The following TTC7A variants were observed in gnomAD, a reference collection of about 807,000 sequenced individuals.
TTC7A encodes the protein tetratricopeptide repeat protein 7A.
A neutral mutation model predicts 103.7 loss-of-function variants in TTC7A; 110 were observed. The observed-to-expected ratio is 1.06, with a 90% confidence interval of 0.91 to 1.24. TTC7A has a LOEUF of 1.24. TTC7A is among the 50% of genes most tolerant of loss of function. The probability of loss-of-function intolerance (pLI) is 0.00; values close to 1 mark genes in which losing one functional copy is unlikely to be tolerated. For missense variants in TTC7A, 1,340 were observed against 1,116.3 expected, an observed-to-expected ratio of 1.20 and a Z score of -2.86; for synonymous variants, 521 against 467.9, an observed-to-expected ratio of 1.11 and a Z score of -1.47.
At chr2:47,053,795 G>A (rs141671727) in intron 18 of TTC7A, among the ~76,000 whole-genome samples, 163 of 152,214 alleles carry the variant, frequency 1.1e-3, no homozygotes, top group East Asian at 2.5e-3. Context: ...CACTGGTTTC[G>A]AACTCCTCAC....
In TTC7A at chr2:47,004,088, G is replaced by T. The variant is rs369592855; in HGVS notation, c.1066-1834G>T. 2.0e-3 allele frequency among the ~76,000 whole-genome samples: 309 copies of T among 152,292 alleles called. 1 individual carries two copies. The highest frequency in any genetic ancestry group is 7.2e-3 in the African/African-American group (300 of 41,560). On this transcript the variant is annotated intron_variant, in intron 8 of 19. Coordinates refer to ENST00000319190, the MANE Select transcript of TTC7A (RefSeq NM_020458.4). ...TTCAACCCTTTGGAGCTCCTGAGTG[G>T]CTCCTGTTCCACAGGCTGACTCCAG...
chr2:46,927,450 G>A (rs573340694), intron 2 of TTC7A, among the ~76,000 whole-genome samples: 141 of 149,224 alleles, frequency 9.4e-4, no homozygotes, highest in Non-Finnish European at 1.4e-3. Flanking sequence ...TCCACCTCCC[G>A]GGTTCACACC....
In TTC7A at chr2:46,950,489, A is replaced by T; in HGVS notation, c.311A>T (p.Asn104Ile). 7.4e-6 allele frequency: 12 copies of T among 1,614,148 alleles called. No individual in the cohort carries two copies. The highest frequency in any genetic ancestry group is 9.3e-6 in the Non-Finnish European group (11 of 1,180,026). The change falls in exon 2 of 20, where the codon AAT becomes ATT. Residue 104 changes from asparagine to isoleucine, a missense_variant. By Grantham distance (149) the Asn-to-Ile change is moderately radical. Transcript: ENST00000319190. ...GAGCCGAAGATGAGCGAAGCCAAAA[A>T]TTATCTAAGCAGTATCCTTAACCAT... The part of the protein sequence containing the change: ...KNEPKMSEAK[N>I]YLSSILNHGR...
At chr2:47,046,909 C>A in intron 16 of TTC7A, 1 of 250,432 alleles carries the variant, frequency 4.0e-6, no homozygotes, top group Non-Finnish European at 7.6e-6. Context: ...TTTCCTCATT[C>A]CATTTGGAGG....
intron 5 of TTC7A, 59 bp downstream of exon 5, chr2:46,978,966 C>G: frequency 7.6e-7 from 1 of 1,308,756 alleles, no homozygotes; most frequent in Non-Finnish European, 1.1e-6. Context: ...AGGCTTTTGA[C>G]GTGGCCTTAA....
intron 2 of TTC7A, among the ~76,000 whole-genome samples, chr2:46,928,120 C>T (rs906137682): frequency 3.3e-5 from 5 of 151,632 alleles, no homozygotes; most frequent in African/African-American, 1.2e-4. Flanking sequence ...TCTAACTCCT[C>T]GGCTCAGGTG....
intron 5 of TTC7A, among the ~76,000 whole-genome samples, chr2:46,985,270 C>A (rs1216159122): frequency 1.3e-5 from 2 of 152,210 alleles, no homozygotes. Context: ...CCAACCTCAC[C>A]ACCCTGAAGA....
chr2:46,916,038 G>A, upstream of TTC7A: 1 of 985,442 alleles, frequency 1.0e-6, no homozygotes, highest in African/African-American at 1.7e-5. Flanking sequence ...GACGCCCTAG[G>A]GGCCCGGCAG....
intron 2 of TTC7A, among the ~76,000 whole-genome samples, chr2:46,919,283 C>A (rs1382690643): frequency 6.6e-6 from 1 of 152,154 alleles, no homozygotes; most frequent in African/African-American, 2.4e-5. Flanking sequence ...GCCTGTAATC[C>A]CAGCACTTTG....
chr2:47,070,278 C>T (rs571451176), intron 19 of TTC7A, among the ~76,000 whole-genome samples: 2 of 152,350 alleles, frequency 1.3e-5, no homozygotes, highest in South Asian at 4.1e-4. Context: ...GGAGGCTCCC[C>T]ACTGAGTGTG....
At position 46,958,391 on chromosome 2, in the gene TTC7A, C is replaced by T. The variant is rs1033264601; in HGVS notation, c.517+1384C>T. ...TCTTAGAAACCCCTTCAGCCATGGA[C>T]GCCCTGAGCGGAACCCCCTTCCTCG... On this transcript the variant is annotated intron_variant, in intron 3 of 19. Transcript: ENST00000319190. 26 of 848,502 alleles carry T rather than the reference C, an allele frequency of 3.1e-5. No individual in the cohort carries two copies. In the East Asian group the frequency reaches 3.8e-4, roughly 12 times the overall value. 52.6% of individuals were successfully genotyped at this position (848,502 alleles called of 1,614,324 possible).
At chr2:46,978,593 C>T (rs1674112090) in intron 4 of TTC7A, 199 bp from the exon 5 acceptor site, 2 of 345,116 alleles carry the variant, frequency 5.8e-6, no homozygotes, top group African/African-American at 2.2e-5. Flanking sequence ...GGCTTGTGGG[C>T]ATCTAACGGT....
intron 16 of TTC7A, 127 bp downstream of exon 16, chr2:47,046,558 C>T (rs1682343984): frequency 5.6e-6 from 4 of 714,028 alleles, no homozygotes. Flanking sequence ...GAGCGTGGAA[C>T]TTCCTGCCCA....
chr2:46,927,883 T>TG (rs1245059742), intron 2 of TTC7A, among the ~76,000 whole-genome samples: 1 of 123,370 alleles, frequency 8.1e-6, no homozygotes, highest in Non-Finnish European at 1.7e-5. Flanking sequence ...GTTTTTTTGG[T>TG]GTTTTTTTTT....
At chr2:46,977,516 C>T (rs1352654897) in intron 4 of TTC7A, among the ~76,000 whole-genome samples, 2 of 152,122 alleles carry the variant, frequency 1.3e-5, no homozygotes, top group Non-Finnish European at 2.9e-5. Flanking sequence ...GGTAATTGTT[C>T]CTCAGCTTTT....
At chr2:47,040,869 T>C (rs1681658289) in intron 15 of TTC7A, among the ~76,000 whole-genome samples, 1 of 152,216 alleles carries the variant, frequency 6.6e-6, no homozygotes, top group Non-Finnish European at 1.5e-5. Flanking sequence ...GGGTTTCTAA[T>C]TCCTGGGCCA....
intron 14 of TTC7A, 78 bp downstream of exon 14, chr2:47,024,437 G>A: frequency 7.5e-7 from 1 of 1,331,682 alleles, no homozygotes. Context: ...TACCAGCTGT[G>A]TGACCCTCTG....
In TTC7A at chr2:47,074,858, T is replaced by A. The variant is rs1685094488; in HGVS notation, c.*935T>A. On this transcript the variant is annotated 3_prime_UTR_variant, in exon 20 of 20. Transcript: ENST00000319190. ...TCTCCTGTGGCTGAGCAGGCCTCTG[T>A]GTCCATGACACCTGTCTTCCGGGCC... 6.6e-6 allele frequency: 1 copy of A among 152,228 alleles called. No individual in the cohort carries two copies. Among genetic ancestry groups the A allele is most frequent in the South Asian group, 2.1e-4 (1 of 4,830 alleles). The allele number at this position is 152,228 out of a possible 1,614,324, so 9.4% of individuals were successfully genotyped here. A position where few individuals can be genotyped will look rare whatever the true frequency, so the allele number is the denominator to read the frequency against.
chr2:47,007,657 C>G lies in TTC7A; in HGVS notation c.1287+933C>G, dbSNP rs112980826. Among the ~76,000 whole-genome samples the G allele has an allele frequency of 1.3e-5, 2 of 152,226 alleles. No homozygotes were observed. Among genetic ancestry groups the G allele is most frequent in the African/African-American group, 2.4e-5 (1 of 41,550 alleles). ...GGGCGTGCCAGCCAGCTCGGGGCCT[C>G]GGCAGCCGAGGCAGGCCAGGCCCTG... is the stretch of plus-strand genomic sequence containing the variant. On this transcript the variant is annotated intron_variant, in intron 10 of 19. Transcript: ENST00000319190. The surrounding 1 kb of genome is among the most constrained non-coding windows in gnomAD (Gnocchi z 4.9).
Sources: gnomAD v4.1 joint callset for allele counts (sites outside exome capture counted in the v4.1 genomes callset) on GRCh38, gnomAD v4.1.1 for gene constraint, Gnocchi (gnomAD v3.1) non-coding constraint, MANE v1.5 for transcripts, NCBI Gene and HGNC (gene_info 2026-07-23, HGNC 2026-07-21) for gene names.